BEAN1: variants seen among roughly 807,000 people sequenced by gnomAD.
BEAN1 encodes the protein brain expressed associated with NEDD4 1, also known as protein BEAN1.
A neutral mutation model predicts 17.7 loss-of-function variants in BEAN1; 17 were observed. The ratio of observed to expected loss-of-function variants is 0.96; its 90% CI spans 0.66 to 1.44. The LOEUF is 1.44. Among genes scored for constraint, BEAN1 ranks in the 40% most tolerant of loss-of-function variants. BEAN1 has a pLI of 0.00. For synonymous variants in BEAN1, 142 were observed against 151.8 expected (o/e 0.94, Z 0.47); for missense variants, 359 against 374.1 (o/e 0.96, Z 0.33).
intron 4 of BEAN1, among the ~76,000 whole-genome samples, chr16:66,490,792 A>G (rs944884340): frequency 3.9e-5 from 6 of 152,136 alleles, no homozygotes; most frequent in African/African-American, 1.4e-4. Context: ...GAAAGGACAA[A>G]TCCTGACCTA....
intron 3 of BEAN1, chr16:66,470,072 A>G (rs1963419004): frequency 2.9e-6 from 2 of 695,960 alleles, no homozygotes; most frequent in Non-Finnish European, 4.7e-6. Flanking sequence ...GCTAAGAGAG[A>G]AACTCAGAGT....
intron 2 of BEAN1, among the ~76,000 whole-genome samples, chr16:66,447,699 G>A (rs1962507059): frequency 6.6e-6 from 1 of 152,164 alleles, no homozygotes; most frequent in Non-Finnish European, 1.5e-5. Context: ...ACACCTGATG[G>A]AGTAACTCAG....
intron 2 of BEAN1, among the ~76,000 whole-genome samples, chr16:66,457,319 G>A (rs1567494572): frequency 6.6e-6 from 1 of 152,162 alleles, no homozygotes; most frequent in Non-Finnish European, 1.5e-5. Context: ...TGAGAGGATG[G>A]ATGATTTGCT....
At chr16:66,448,721 G>C (rs1962551304) in intron 2 of BEAN1, among the ~76,000 whole-genome samples, 1 of 152,236 alleles carries the variant, frequency 6.6e-6, no homozygotes, top group Admixed American at 6.5e-5. Flanking sequence ...TACTTGGGAG[G>C]CAGAGGCAGG....
At chr16:66,485,931 A>G (rs1964083073), downstream of BEAN1, 2 of 152,366 alleles carry the variant, frequency 1.3e-5, no homozygotes, top group Admixed American at 1.3e-4. Context: ...TTCATGAGCA[A>G]GGAAGAATAC....
At position 66,480,900 on chromosome 16, in the gene BEAN1, C is replaced by A; in HGVS notation, c.755C>A (p.Ala252Asp). ...TCACCCACCCCAACCCGGGCCCCAGCCTCTGGCCCAGAGAGGATTGTGTGA... is the reference window on the plus strand; with the variant it reads ...TCACCCACCCCAACCCGGGCCCCAGACTCTGGCCCAGAGAGGATTGTGTGA... ...QGSPTPTRAP[A>D]SGPERIV The change falls in exon 5 of 5, where the codon GCC (alanine) becomes GAC (aspartate). Residue 252 changes from alanine to aspartate, a missense_variant. Transcript: ENST00000536005. 1 of 1,463,602 alleles carries A rather than the reference C, an allele frequency of 6.8e-7. No individual in the cohort carries two copies. Among genetic ancestry groups the A allele is most frequent in the South Asian group, 1.4e-5 (1 of 70,956 alleles). The allele number at this position is 1,463,602 out of a possible 1,614,324, so 90.7% of individuals were successfully genotyped here. A position where few individuals can be genotyped will look rare whatever the true frequency, so the allele number is the denominator to read the frequency against.
intron 2 of BEAN1, among the ~76,000 whole-genome samples, chr16:66,463,346 G>A (rs1267485628): frequency 2.0e-5 from 3 of 152,190 alleles, no homozygotes; most frequent in South Asian, 2.1e-4. Flanking sequence ...CCTACTGGGT[G>A]TGAAATGGTA....
intron 2 of BEAN1, among the ~76,000 whole-genome samples, chr16:66,440,786 C>A (rs1268067904): frequency 2.0e-5 from 3 of 152,246 alleles, no homozygotes; most frequent in African/African-American, 4.8e-5. Context: ...GCAGCCCCTA[C>A]CCCTAACCTG....
intron 2 of BEAN1, among the ~76,000 whole-genome samples, chr16:66,467,460 A>T (rs1438934450): frequency 6.6e-6 from 1 of 152,200 alleles, no homozygotes; most frequent in East Asian, 1.9e-4. Flanking sequence ...TTACAAAACC[A>T]TCAGATCTCA....
At chr16:66,444,678 T>C (rs1381613566) in intron 2 of BEAN1, among the ~76,000 whole-genome samples, 1 of 152,138 alleles carries the variant, frequency 6.6e-6, no homozygotes, top group Non-Finnish European at 1.5e-5. Flanking sequence ...TGAATCTTGC[T>C]CACATCATTT....
intron 2 of BEAN1, among the ~76,000 whole-genome samples, chr16:66,467,245 G>T (rs1963287755): frequency 6.6e-6 from 1 of 152,186 alleles, no homozygotes; most frequent in Non-Finnish European, 1.5e-5. Flanking sequence ...AGTCAACAGG[G>T]CAGATTAGCA....
chr16:66,492,219 T>C (rs1185117534), intron 4 of BEAN1, among the ~76,000 whole-genome samples: 7 of 151,832 alleles, frequency 4.6e-5, no homozygotes, highest in Non-Finnish European at 1.0e-4. Context: ...TTTTTGTATT[T>C]TTAGTAGAGA....
rs763992718 is a variant in BEAN1 at position 66,437,814 on chromosome 16, A to G, written c.25+113A>G. 3.7e-6 allele frequency: 5 copies of G among 1,345,930 alleles called. No homozygotes were observed. The South Asian group carries it at 5.0e-5, about 13-fold the overall frequency. The allele number at this position is 1,345,930 out of a possible 1,614,324, so 83.4% of individuals were successfully genotyped here. A position where few individuals can be genotyped will look rare whatever the true frequency, so the allele number is the denominator to read the frequency against. ...TTGGCCAAAGAACTGCAGGGGTCCA[A>G]CCAGAGGCTAATGTGGCATGCTGGG... On this transcript the variant is annotated intron_variant, in intron 2 of 4. Transcript: ENST00000536005.
chr16:66,487,033 C>T (rs760676255), downstream of BEAN1, among the ~76,000 whole-genome samples: 1 of 152,194 alleles, frequency 6.6e-6, no homozygotes, highest in Non-Finnish European at 1.5e-5. Flanking sequence ...GGGGCTTGGA[C>T]CAGAGAGGCC....
At chr16:66,479,901 G>A (rs1005559512) in intron 4 of BEAN1, among the ~76,000 whole-genome samples, 7 of 152,088 alleles carry the variant, frequency 4.6e-5, no homozygotes, top group Non-Finnish European at 8.8e-5. Context: ...CTCCCCATGG[G>A]GAGCTCTTCT....
At chr16:66,442,748 T>A (rs1962305586) in intron 2 of BEAN1, among the ~76,000 whole-genome samples, 1 of 152,218 alleles carries the variant, frequency 6.6e-6, no homozygotes, top group Non-Finnish European at 1.5e-5. Flanking sequence ...GAAATTGACA[T>A]GCTACACGGA....
At chr16:66,488,980 T>G (rs1056242964) in intron 4 of BEAN1, among the ~76,000 whole-genome samples, 8 of 152,156 alleles carry the variant, frequency 5.3e-5, no homozygotes, top group Admixed American at 2.6e-4. Context: ...GAGACCAGCC[T>G]GGGCAACATG....
chr16:66,437,633 TG>T lies in BEAN1; in HGVS notation c.-43del, dbSNP rs1337454422. ...CCTTCCCTGCGAGAAGTCAGAGCTG[TG>T]CCCGTGGGCAGGCTGGCTCCGCTGT... On this transcript the variant is annotated 5_prime_UTR_variant, in exon 2 of 5. Transcript: ENST00000536005. 3 of 1,531,908 alleles carry T rather than the reference TG, an allele frequency of 2.0e-6. No individual in the cohort carries two copies. The highest frequency in any genetic ancestry group is 2.4e-5 in the East Asian group (1 of 40,896). 94.9% of individuals were successfully genotyped at this position (1,531,908 alleles called of 1,614,324 possible). A position where few individuals can be genotyped will look rare whatever the true frequency, so the allele number is the denominator to read the frequency against.
chr16:66,464,397 A>G (rs1963192525), intron 2 of BEAN1, among the ~76,000 whole-genome samples: 1 of 151,766 alleles, frequency 6.6e-6, no homozygotes, highest in Non-Finnish European at 1.5e-5. Flanking sequence ...AATGGAGTGC[A>G]GTGGCGCATC....
Sources: allele counts gnomAD v4.1 joint callset (sites outside exome capture counted in the v4.1 genomes callset), GRCh38; gene constraint gnomAD v4.1.1; transcripts MANE v1.5; gene names NCBI Gene and HGNC (gene_info 2026-07-23, HGNC 2026-07-21).